The following ADGRV1 variants were observed in gnomAD, a reference collection of about 807,000 sequenced individuals.
ADGRV1 encodes G-protein coupled receptor 98.
In ADGRV1, 359 loss-of-function variants were observed where a neutral mutation model predicts 596.2. That is an observed-to-expected ratio of 0.60 (90% CI 0.55 to 0.66). ADGRV1 has a LOEUF of 0.66. Ranked by LOEUF, ADGRV1 falls within the 30% of genes least tolerant of loss-of-function variation. The probability of loss-of-function intolerance (pLI) is 0.00; values close to 1 mark genes in which losing one functional copy is unlikely to be tolerated. For missense variants in ADGRV1, 7,274 were observed against 7,575.6 expected (o/e 0.96, Z 1.48); for synonymous variants, 2,681 against 2,679.2 (o/e 1.00, Z -0.02).
chr5:90,779,557 A>G (rs1581098825), intron 64 of ADGRV1: 1 of 152,420 alleles, frequency 6.6e-6, no homozygotes, highest in South Asian at 2.1e-4. Flanking sequence ...TGCTTGCCCC[A>G]TAGTTTTAAA....
intron 85 of ADGRV1, among the ~76,000 whole-genome samples, chr5:91,011,298 C>A (rs1782699765): frequency 6.6e-6 from 1 of 151,934 alleles, no homozygotes. Context: ...ATTTTATTTT[C>A]TGAGGAAGAA....
intron 84 of ADGRV1, 70 bp from the exon 85 acceptor site, chr5:90,985,274 A>G: frequency 3.5e-6 from 4 of 1,138,884 alleles, no homozygotes; most frequent in South Asian, 2.2e-5. Context: ...AACATTGCCT[A>G]AGCCAGTAGA....
chr5:90,924,083 A>G (rs1774167377), intron 83 of ADGRV1, among the ~76,000 whole-genome samples: 1 of 151,620 alleles, frequency 6.6e-6, no homozygotes, highest in Non-Finnish European at 1.5e-5. Context: ...TAATGCCGCA[A>G]TAAACATACG....
intron 76 of ADGRV1, among the ~76,000 whole-genome samples, chr5:90,826,053 GA>G (rs1561810372): frequency 6.6e-6 from 1 of 152,262 alleles, no homozygotes; most frequent in East Asian, 1.9e-4. Flanking sequence ...TAAAAAGAGA[GA>G]AGATGGAAGA....
intron 21 of ADGRV1, among the ~76,000 whole-genome samples, chr5:90,670,148 A>T (rs1055577749): frequency 2.0e-5 from 3 of 152,154 alleles, no homozygotes; most frequent in African/African-American, 4.8e-5. Context: ...TATTTATTTC[A>T]TAGACACTTC....
At chr5:91,040,628 T>C (rs1785261175) in intron 85 of ADGRV1, among the ~76,000 whole-genome samples, 1 of 152,224 alleles carries the variant, frequency 6.6e-6, no homozygotes, top group Non-Finnish European at 1.5e-5. Context: ...CTGCCAACTT[T>C]CTAGCTGCTG....
rs755180090 is a variant in ADGRV1 at position 90,692,660 on chromosome 5, G to A, written c.7007G>A (p.Arg2336Gln). ...GGTGGAGGTACTATTGGGTTAGATC[G>A]AATTGCAAATATTATTATTCCTGCC... ...ASGGGTIGLD[R>Q]IANIIIPAND... Residue 2336 changes from arginine to glutamine, a missense_variant, in exon 32 of 90, where the codon CGA (arginine) becomes CAA (glutamine). Coordinates refer to ENST00000405460, the MANE Select transcript of ADGRV1 (RefSeq NM_032119.4). The A allele has an allele frequency of 1.7e-5, 28 of 1,611,076 alleles. No homozygotes were observed. The East Asian group carries it at 2.9e-4, about 17-fold the overall frequency.
chr5:90,835,794 C>A (rs1764921286), intron 77 of ADGRV1, among the ~76,000 whole-genome samples: 1 of 152,014 alleles, frequency 6.6e-6, no homozygotes, highest in Admixed American at 6.6e-5. Context: ...TTAAGATATT[C>A]CCAGATGAAG....
At chr5:90,565,358 T>C (rs193147811) in intron 1 of ADGRV1, among the ~76,000 whole-genome samples, 11 of 152,350 alleles carry the variant, frequency 7.2e-5, no homozygotes, top group East Asian at 5.8e-4. Context: ...TGCCTTCCAA[T>C]TCCTGGAAAC....
At chr5:91,095,919 A>T (rs1438160101) in intron 86 of ADGRV1, among the ~76,000 whole-genome samples, 1 of 152,062 alleles carries the variant, frequency 6.6e-6, no homozygotes, top group Admixed American at 6.6e-5. Flanking sequence ...AGTAGCCACC[A>T]TGCCTGGCTA....
intron 83 of ADGRV1, among the ~76,000 whole-genome samples, chr5:90,956,868 G>A (rs1777527384): frequency 6.6e-6 from 1 of 152,144 alleles, no homozygotes; most frequent in African/African-American, 2.4e-5. Flanking sequence ...GCATAACTGT[G>A]TGACATCTGT....
intron 83 of ADGRV1, among the ~76,000 whole-genome samples, chr5:90,904,916 T>C (rs1379207043): frequency 6.6e-6 from 1 of 151,904 alleles, no homozygotes; most frequent in Non-Finnish European, 1.5e-5. Flanking sequence ...TTTTTTTATA[T>C]GGTAGGAGAT....
At chr5:90,594,314 G>C (rs250369) in intron 1 of ADGRV1, among the ~76,000 whole-genome samples, 102,590 of 150,858 alleles carry the variant, frequency 0.68, 35,335 homozygotes, top group African/African-American at 0.8. Flanking sequence ...CTTGTGAGTT[G>C]TGATAGTTTT....
Position 90,805,402 on chromosome 5 carries a change from C to T in ADGRV1, c.14780C>T (p.Ala4927Val). 1 of 1,605,772 alleles carries T rather than the reference C, an allele frequency of 6.2e-7. No individual in the cohort carries two copies. The highest frequency in any genetic ancestry group is 8.5e-7 in the Non-Finnish European group (1 of 1,173,482). Residue 4927 changes from alanine (A) to valine (V), a missense_variant, in exon 72 of 90, where the codon GCT becomes GTT. Physicochemically the swap from Ala to Val is moderately conservative, Grantham distance 64. Transcript: ENST00000405460. ...ALSVAWTTGY[A>V]PGLEIPEFIV... Reference sequence around the variant, plus strand: ...TCGGTTGCCTGGACCACTGGATATGCTCCTGGGTTAGAAATTCCTGAATTC... The same window carrying T: ...TCGGTTGCCTGGACCACTGGATATGTTCCTGGGTTAGAAATTCCTGAATTC...
chr5:90,866,321 G>A (rs1768099458), intron 83 of ADGRV1, among the ~76,000 whole-genome samples: 1 of 150,772 alleles, frequency 6.6e-6, no homozygotes, highest in Admixed American at 6.6e-5. Context: ...GTATATGTGT[G>A]TGTGTGTGTG....
intron 83 of ADGRV1, among the ~76,000 whole-genome samples, chr5:90,930,386 T>G (rs968634662): frequency 6.6e-6 from 1 of 152,178 alleles, no homozygotes; most frequent in East Asian, 1.9e-4. Flanking sequence ...ATACGTATTT[T>G]TATTATAGAC....
chr5:90,720,877 T>C, intron 44 of ADGRV1, 58 bp from the exon 45 acceptor site: 1 of 1,437,014 alleles, frequency 7.0e-7, no homozygotes, highest in African/African-American at 1.4e-5. Flanking sequence ...TGATATATAT[T>C]TCAAATATGT....
intron 27 of ADGRV1, among the ~76,000 whole-genome samples, chr5:90,683,235 G>A (rs1040242310): frequency 7.9e-5 from 12 of 152,030 alleles, no homozygotes; most frequent in African/African-American, 2.9e-4. Context: ...TTAAGAGATA[G>A]AGTCTTGGTG....
At chr5:91,086,863 C>T (rs1475927280) in intron 86 of ADGRV1, among the ~76,000 whole-genome samples, 8 of 152,082 alleles carry the variant, frequency 5.3e-5, no homozygotes, top group African/African-American at 1.2e-4. Context: ...ACCTCTTCTC[C>T]GAAATTTAAA....
Sources: allele counts gnomAD v4.1 joint callset (sites outside exome capture counted in the v4.1 genomes callset), GRCh38; gene constraint gnomAD v4.1.1; transcripts MANE v1.5; gene names NCBI Gene and HGNC (gene_info 2026-07-23, HGNC 2026-07-21).